The following CHST8 variants were observed in gnomAD, a reference collection of about 807,000 sequenced individuals.
CHST8 encodes the protein carbohydrate sulfotransferase 8, also known as GALNAC-4-ST1.
Under a neutral mutation model 15.0 loss-of-function variants are expected in CHST8, and 10 were observed. The ratio of observed to expected loss-of-function variants is 0.67; its 90% confidence interval spans 0.41 to 1.13. The LOEUF (loss-of-function observed/expected upper bound fraction) is 1.13, where lower values mean the gene tolerates loss of function less well. Ranked by LOEUF, CHST8 falls within the 50% of genes most tolerant of loss-of-function variation. The probability of loss-of-function intolerance (pLI) is 0.00; values close to 1 mark genes in which losing one functional copy is unlikely to be tolerated. For missense variants in CHST8, 634 were observed against 608.2 expected (o/e 1.04, Z -0.45); for synonymous variants, 259 against 256.6 (o/e 1.01, Z -0.09).
At chr19:33,749,220 A>G (rs952158400) in intron 3 of CHST8, among the ~76,000 whole-genome samples, 1 of 152,094 alleles carries the variant, frequency 6.6e-6, no homozygotes, top group African/African-American at 2.4e-5. Flanking sequence ...AGGAGAGCAC[A>G]CCCGGAGCCA....
intron 2 of CHST8, among the ~76,000 whole-genome samples, chr19:33,682,692 TGG>T (rs1257880112): frequency 1.6e-4 from 25 of 152,360 alleles, no homozygotes; most frequent in African/African-American, 6.0e-4. Flanking sequence ...CTTAACATGA[TGG>T]CTTCAAGAGT....
intron 2 of CHST8, among the ~76,000 whole-genome samples, chr19:33,671,518 C>G (rs1388182084): frequency 6.6e-6 from 1 of 152,168 alleles, no homozygotes; most frequent in Admixed American, 6.5e-5. Context: ...TCACTGCCCC[C>G]CATTGCTTCT....
intron 3 of CHST8, among the ~76,000 whole-genome samples, chr19:33,700,417 C>A (rs985527558): frequency 6.6e-6 from 1 of 152,246 alleles, no homozygotes; most frequent in African/African-American, 2.4e-5. Context: ...AAACTCTCTT[C>A]CTGAACAGCG....
intron 2 of CHST8, among the ~76,000 whole-genome samples, chr19:33,680,135 T>C (rs1472948044): frequency 6.6e-6 from 1 of 152,202 alleles, no homozygotes; most frequent in Non-Finnish European, 1.5e-5. Context: ...CATCTCGGTA[T>C]CTCCTTACAG....
intron 2 of CHST8, among the ~76,000 whole-genome samples, chr19:33,675,526 G>A (rs1600253859): frequency 6.6e-6 from 1 of 152,352 alleles, no homozygotes; most frequent in East Asian, 1.9e-4. Context: ...GGTCTAGGCA[G>A]AGTTTGTGTC....
intron 3 of CHST8, among the ~76,000 whole-genome samples, chr19:33,739,420 T>G (rs1374233083): frequency 1.3e-5 from 2 of 152,194 alleles, no homozygotes; most frequent in Non-Finnish European, 2.9e-5. Flanking sequence ...GTTGTCTTCC[T>G]CCCCTGAGGA....
chr19:33,674,674 A>T (rs1049327223), intron 2 of CHST8, among the ~76,000 whole-genome samples: 2 of 152,140 alleles, frequency 1.3e-5, no homozygotes, highest in Non-Finnish European at 2.9e-5. Flanking sequence ...GGAGGCACAG[A>T]TGGCAGATGG....
At chr19:33,729,431 G>T (rs775597644) in intron 3 of CHST8, among the ~76,000 whole-genome samples, 1 of 152,236 alleles carries the variant, frequency 6.6e-6, no homozygotes, top group East Asian at 1.9e-4. Context: ...AAGTCACAGC[G>T]CGTGTGTAAC....
At chr19:33,622,406 A>G (rs1971996360) in intron 1 of CHST8, 110 bp downstream of exon 1, 1 of 151,734 alleles carries the variant, frequency 6.6e-6, no homozygotes, top group Non-Finnish European at 1.5e-5. Flanking sequence ...ACCGCTCGCC[A>G]TCCCCGCCAC....
intron 3 of CHST8, among the ~76,000 whole-genome samples, chr19:33,765,070 A>ATATATATATATATATATATG (rs71181381): frequency 0.029 from 3,312 of 112,870 alleles, 182 homozygotes; most frequent in Non-Finnish European, 0.043. Context: ...ATATATATAT[A>ATATATATATATATATATATG]TATCAGAGTT....
At chr19:33,661,595 T>C (rs551450412) in intron 1 of CHST8, among the ~76,000 whole-genome samples, 86 of 152,308 alleles carry the variant, frequency 5.6e-4, no homozygotes, top group Non-Finnish European at 1.0e-3. Context: ...TGATGCCCAC[T>C]GCCTCACCAC....
chr19:33,680,150 C>T (rs1019094758), intron 2 of CHST8, among the ~76,000 whole-genome samples: 1 of 152,200 alleles, frequency 6.6e-6, no homozygotes, highest in Non-Finnish European at 1.5e-5. Flanking sequence ...TTACAGAGAA[C>T]CAAACCTGTG....
At chr19:33,674,397 A>G (rs958330533) in intron 2 of CHST8, among the ~76,000 whole-genome samples, 1 of 152,140 alleles carries the variant, frequency 6.6e-6, no homozygotes, top group African/African-American at 2.4e-5. Context: ...CTGCTCAGCT[A>G]ATGAGGGGGT....
chr19:33,635,682 G>A (rs182994994), intron 1 of CHST8, among the ~76,000 whole-genome samples: 5 of 152,104 alleles, frequency 3.3e-5, no homozygotes, highest in Non-Finnish European at 7.3e-5. Flanking sequence ...GAAAAAATGC[G>A]GGCTTAGTTC....
intron 2 of CHST8, chr19:33,684,435 G>C (rs529491976): frequency 6.6e-6 from 1 of 152,506 alleles, no homozygotes; most frequent in South Asian, 2.1e-4. Context: ...GGCAGCCTGA[G>C]AGTCGGCAGC....
chr19:33,623,419 G>C (rs561102306), intron 1 of CHST8, among the ~76,000 whole-genome samples: 1 of 152,330 alleles, frequency 6.6e-6, no homozygotes, highest in South Asian at 2.1e-4. Flanking sequence ...GCGCGATCTG[G>C]CGCAGCAGCA....
chr19:33,664,694 A>C (rs1349116648), intron 1 of CHST8, among the ~76,000 whole-genome samples: 1 of 152,042 alleles, frequency 6.6e-6, no homozygotes, highest in African/African-American at 2.4e-5. Context: ...TAAATATCTC[A>C]AATTGTTTTC....
chr19:33,663,116 C>T (rs1400525425), intron 1 of CHST8, among the ~76,000 whole-genome samples: 2 of 152,062 alleles, frequency 1.3e-5, no homozygotes, highest in East Asian at 1.9e-4. Flanking sequence ...GATGCGTGGC[C>T]GGAGCCTGCC....
In CHST8 at chr19:33,674,658, G is replaced by A. The variant is rs10416130; in HGVS notation, c.-87+6815G>A. Among the ~76,000 whole-genome samples the A allele has an allele frequency of 2.8e-3, 421 of 152,306 alleles. 2 individuals carry two copies. The highest frequency in any genetic ancestry group is 9.6e-3 in the African/African-American group (401 of 41,568). On this transcript the variant is annotated intron_variant, in intron 2 of 4. Transcript: ENST00000650847. Reference sequence around the variant, plus strand: ...GCGGAGAGGGGATGGAGCAGGGAGAGGAGCGGGAGGCACAGATGGCAGATG... The same window carrying A: ...GCGGAGAGGGGATGGAGCAGGGAGAAGAGCGGGAGGCACAGATGGCAGATG...
Sources: gnomAD v4.1 joint callset for allele counts (sites outside exome capture counted in the v4.1 genomes callset) on GRCh38, gnomAD v4.1.1 for gene constraint, MANE v1.5 for transcripts, NCBI Gene and HGNC (gene_info 2026-07-23, HGNC 2026-07-21) for gene names.